Variants in KIF26B observed in about 807,000 individuals in gnomAD.
KIF26B encodes the protein kinesin family member 26B.
In KIF26B, 63 loss-of-function variants were observed where a neutral mutation model predicts 151.2. The ratio of observed to expected loss-of-function variants is 0.42; its 90% CI spans 0.34 to 0.51. The LOEUF (loss-of-function observed/expected upper bound fraction) is 0.51. KIF26B is among the 20% of genes least tolerant of loss of function. The pLI is 0.07. For missense variants in KIF26B, 2,813 were observed against 2,913.6 expected, an observed-to-expected ratio of 0.97 and a Z score of 0.79; for synonymous variants, 1,357 against 1,262.1, an observed-to-expected ratio of 1.08 and a Z score of -1.59.
chr1:245,378,779 T>C (rs1221835520), intron 3 of KIF26B, among the ~76,000 whole-genome samples: 1 of 152,198 alleles, frequency 6.6e-6, no homozygotes, highest in East Asian at 1.9e-4. Context: ...TCATGCTGGA[T>C]TTGCTGCTCA....
In KIF26B at chr1:245,189,456, T is replaced by C. The variant is rs144305054; in HGVS notation, c.465+32773T>C. ...TCATTTAAAGTTTATCTCACTGTTATTCTTGAGCCACAAAGAAGCAATGTT... is the reference window on the plus strand; with the variant it reads ...TCATTTAAAGTTTATCTCACTGTTACTCTTGAGCCACAAAGAAGCAATGTT... On this transcript the variant is annotated intron_variant, in intron 2 of 14. Coordinates refer to ENST00000407071, the MANE Select transcript of KIF26B (RefSeq NM_018012.4). Among the ~76,000 whole-genome samples, 373 of 152,326 alleles carry C rather than the reference T, an allele frequency of 2.4e-3. 1 individual carries two copies. The highest frequency in any genetic ancestry group is 4.1e-3 in the Non-Finnish European group (277 of 68,032).
intron 2 of KIF26B, among the ~76,000 whole-genome samples, chr1:245,240,250 C>G (rs1232158311): frequency 6.6e-6 from 1 of 152,152 alleles, no homozygotes; most frequent in Non-Finnish European, 1.5e-5. Context: ...CTTCCTGAGT[C>G]CACTTTCGCC....
intron 2 of KIF26B, among the ~76,000 whole-genome samples, chr1:245,162,936 C>A (rs1311257993): frequency 6.6e-6 from 1 of 152,200 alleles, no homozygotes; most frequent in Non-Finnish European, 1.5e-5. Context: ...ATATTTAGAT[C>A]TCTAATCCAT....
At chr1:245,176,216 C>G (rs1668806891) in intron 2 of KIF26B, among the ~76,000 whole-genome samples, 1 of 152,040 alleles carries the variant, frequency 6.6e-6, no homozygotes, top group South Asian at 2.1e-4. Flanking sequence ...TCAGGCTGGT[C>G]TTGAACTTCT....
At position 245,348,020 on chromosome 1, in the gene KIF26B, A is replaced by G. The variant is rs143417928; in HGVS notation, c.466-18814A>G. On this transcript the variant is annotated intron_variant, in intron 2 of 14. Transcript: ENST00000407071. ...ACCTTCTATGCCATAAGTGGTATAA[A>G]ATGGTCAGTTCTCAGTCCTCATTTT... is the stretch of plus-strand genomic sequence containing the variant. Among the ~76,000 whole-genome samples, 73 of 152,324 alleles carry G rather than the reference A, an allele frequency of 4.8e-4. 1 individual carries two copies. In the East Asian group the frequency reaches 9.8e-3, roughly 21 times the overall value.
intron 12 of KIF26B, among the ~76,000 whole-genome samples, chr1:245,693,333 A>G (rs1572210411): frequency 6.6e-6 from 1 of 152,206 alleles, no homozygotes; most frequent in Admixed American, 6.5e-5. Flanking sequence ...CCGCCTGGAC[A>G]TGAGCAAGGC....
intron 4 of KIF26B, among the ~76,000 whole-genome samples, chr1:245,521,460 T>C (rs1021508250): frequency 4.6e-5 from 7 of 152,170 alleles, no homozygotes; most frequent in African/African-American, 1.7e-4. Flanking sequence ...TTGGAAAATA[T>C]TTAGATACTT....
At chr1:245,285,026 C>T (rs549122756) in intron 2 of KIF26B, among the ~76,000 whole-genome samples, 5 of 152,232 alleles carry the variant, frequency 3.3e-5, no homozygotes, top group African/African-American at 7.2e-5. Context: ...GCAACAAGAG[C>T]GCAACTCTGT....
At chr1:245,494,427 T>A (rs566380978) in intron 4 of KIF26B, among the ~76,000 whole-genome samples, 1 of 152,290 alleles carries the variant, frequency 6.6e-6, no homozygotes, top group Admixed American at 6.5e-5. Flanking sequence ...GAACCTGAAG[T>A]AGACAAGCGA....
At chr1:245,353,995 G>C (rs1297822638) in intron 2 of KIF26B, 1 of 152,480 alleles carries the variant, frequency 6.6e-6, no homozygotes, top group African/African-American at 2.4e-5. Flanking sequence ...TCTGCTTAAG[G>C]CTGTGTTGTT....
At chr1:245,546,456 GC>G (rs1179720589) in intron 5 of KIF26B, among the ~76,000 whole-genome samples, 2 of 152,182 alleles carry the variant, frequency 1.3e-5, no homozygotes, top group Non-Finnish European at 2.9e-5. Context: ...AAAATCTCAT[GC>G]CTTTCAGCCC....
In KIF26B at chr1:245,326,741, C is replaced by G. The variant is rs145210345; in HGVS notation, c.466-40093C>G. ...AAGCTTTTGGTTTCCGCAGACTTAG[C>G]AGTCATTCCTGTGTTCCTAAGAATC... On this transcript the variant is annotated intron_variant, in intron 2 of 14. Transcript: ENST00000407071. 2.7e-3 allele frequency among the ~76,000 whole-genome samples: 413 copies of G among 152,300 alleles called. 3 individuals carry two copies. The highest frequency in any genetic ancestry group is 9.6e-3 in the African/African-American group (400 of 41,554).
chr1:245,705,581 C>T lies in KIF26B; in HGVS notation c.*2975C>T, dbSNP rs547582824. 1.9e-4 allele frequency: 29 copies of T among 152,232 alleles called. No homozygotes were observed. Among genetic ancestry groups the T allele is most frequent in the East Asian group, 9.6e-4 (5 of 5,186 alleles). The allele number at this position is 152,232 out of a possible 1,614,324, so 9.4% of individuals were successfully genotyped here. A position where few individuals can be genotyped will look rare whatever the true frequency, so the allele number is the denominator to read the frequency against. On this transcript the variant is annotated 3_prime_UTR_variant, in exon 15 of 15. Transcript: ENST00000407071. Reference sequence around the variant, plus strand: ...CCATTTCTATTTCATTACCCACAAGCGAAAGGACTAGAAAAAAATATTTGA... The same window carrying T: ...CCATTTCTATTTCATTACCCACAAGTGAAAGGACTAGAAAAAAATATTTGA...
At chr1:245,443,431 C>T (rs1308403844) in intron 4 of KIF26B, among the ~76,000 whole-genome samples, 5 of 83,078 alleles carry the variant, frequency 6.0e-5, no homozygotes, top group African/African-American at 1.1e-4. Context: ...ACTGTTCACC[C>T]TGCGGTCATC....
At chr1:245,206,057 T>C (rs773231310) in intron 2 of KIF26B, among the ~76,000 whole-genome samples, 5 of 152,110 alleles carry the variant, frequency 3.3e-5, no homozygotes, top group Non-Finnish European at 5.9e-5. Flanking sequence ...ACTTTTCTGA[T>C]TGCTGGTCTT....
chr1:245,692,168 T>C (rs1331390513), intron 12 of KIF26B, among the ~76,000 whole-genome samples: 2 of 152,186 alleles, frequency 1.3e-5, no homozygotes, highest in Non-Finnish European at 1.5e-5. Flanking sequence ...TTGTTCAACA[T>C]TGACCAGGTA....
chr1:245,174,344 G>C (rs1668766146), intron 2 of KIF26B, among the ~76,000 whole-genome samples: 2 of 152,068 alleles, frequency 1.3e-5, no homozygotes, highest in South Asian at 4.1e-4. Flanking sequence ...CCTTTAAGGA[G>C]TATCATGGCC....
Position 245,156,558 on chromosome 1 carries a change from G to A in KIF26B, c.340G>A (p.Gly114Ser), listed in dbSNP as rs757794492. The A allele has an allele frequency of 3.0e-5, 46 of 1,532,486 alleles. No homozygotes were observed. The highest frequency in any genetic ancestry group is 3.8e-5 in the Non-Finnish European group (44 of 1,145,876). 94.9% of individuals were successfully genotyped at this position (1,532,486 alleles called of 1,614,324 possible). Residue 114 changes from glycine to serine, a missense_variant, in exon 2 of 15, where the codon GGC becomes AGC. Physicochemically the swap from Gly to Ser is moderately conservative, Grantham distance 56. Around this residue, in one of 3 missense-constraint regions of KIF26B, gnomAD observed 676 missense variants for 688.1 expected, o/e 0.98. Coordinates refer to ENST00000407071, the MANE Select transcript of KIF26B (RefSeq NM_018012.4). ...CTTCGGCACAGGCTCCCCGGGCTCC[G>A]GCAGCGGCGGCGGCTCCTCCCCCGG... ...PGFGTGSPGS[G>S]SGGGSSPGSD...
Position 245,155,459 on chromosome 1 carries a change from C to G in KIF26B, c.35C>G (p.Ala12Gly). ...GTAGCTGGGAATAAAGAGAGGCTTG[C>G]GGTCTCCACCAGGGGCAAGAAATAC... ...NSVAGNKERL[A>G]VSTRGKKYGV... is the part of the protein sequence containing the mutation. The change falls in exon 1 of 15, where the codon GCG becomes GGG. Residue 12 changes from alanine to glycine, a missense_variant. Transcript: ENST00000407071. 6.2e-7 allele frequency: 1 copy of G among 1,609,966 alleles called. No individual in the cohort carries two copies. Among genetic ancestry groups the G allele is most frequent in the East Asian group, 2.2e-5 (1 of 44,584 alleles).
Sources: gnomAD v4.1 joint callset for allele counts (sites outside exome capture counted in the v4.1 genomes callset) on GRCh38, gnomAD v4.1.1 for gene constraint, gnomAD v4.1.1 regional missense constraint, MANE v1.5 for transcripts, NCBI Gene and HGNC (gene_info 2026-07-23, HGNC 2026-07-21) for gene names.